CDH13: variants seen among roughly 807,000 people sequenced by gnomAD.
CDH13 encodes the protein cadherin-13.
CDH13 carries 24 observed loss-of-function variants against 63.8 expected under a neutral mutation model. The ratio of observed to expected loss-of-function variants is 0.38; its 90% CI spans 0.27 to 0.53. The LOEUF is 0.53. Among genes scored for constraint, CDH13 ranks in the 20% least tolerant of loss-of-function variants. The probability of loss-of-function intolerance (pLI) is 0.85; values close to 1 mark genes in which losing one functional copy is unlikely to be tolerated. For missense variants in CDH13, 1,049 were observed against 903.1 expected (o/e 1.16, Z -2.07); for synonymous variants, 503 against 355.3 (o/e 1.42, Z -4.67).
intron 1 of CDH13, among the ~76,000 whole-genome samples, chr16:82,662,747 A>G (rs933054290): frequency 2.0e-5 from 3 of 152,222 alleles, no homozygotes; most frequent in East Asian, 1.9e-4. Context: ...TAAATGTCAA[A>G]TAGCGCCTGA....
chr16:83,717,874 G>A (rs1196729174), intron 10 of CDH13: 1 of 152,178 alleles, frequency 6.6e-6, no homozygotes, highest in Non-Finnish European at 1.5e-5. Context: ...AGTTCCTACT[G>A]TGCTCTGCTT....
intron 7 of CDH13, among the ~76,000 whole-genome samples, chr16:83,592,998 C>T (rs1355523269): frequency 1.3e-5 from 2 of 152,136 alleles, no homozygotes; most frequent in Non-Finnish European, 2.9e-5. Context: ...TTATGGACTA[C>T]CTATTCCCAG....
chr16:83,709,402 C>T (rs1325429986), intron 10 of CDH13, among the ~76,000 whole-genome samples: 3 of 152,202 alleles, frequency 2.0e-5, no homozygotes, highest in Non-Finnish European at 4.4e-5. Flanking sequence ...CGGACTCCCT[C>T]TATAATCAGT....
At chr16:82,790,540 G>A (rs931847213) in intron 1 of CDH13, among the ~76,000 whole-genome samples, 12 of 152,156 alleles carry the variant, frequency 7.9e-5, no homozygotes, top group Non-Finnish European at 1.6e-4. Context: ...AAATTATTTG[G>A]TCAAGTGAAA....
At chr16:83,772,378 A>G (rs74034820) in intron 11 of CDH13, among the ~76,000 whole-genome samples, 6,312 of 152,128 alleles carry the variant, frequency 0.041, 476 homozygotes, top group African/African-American at 0.14. Flanking sequence ...ACTTGAAGCC[A>G]TTTGGATAAA....
At chr16:82,775,805 G>C (rs982895031) in intron 1 of CDH13, among the ~76,000 whole-genome samples, 2 of 152,174 alleles carry the variant, frequency 1.3e-5, no homozygotes, top group African/African-American at 4.8e-5. Context: ...TTGCCTGGGT[G>C]CAAGGTGAGG....
intron 1 of CDH13, among the ~76,000 whole-genome samples, chr16:82,684,604 C>A (rs565669113): frequency 2.0e-5 from 3 of 151,948 alleles, no homozygotes; most frequent in Non-Finnish European, 4.4e-5. Flanking sequence ...AGGACTGTTT[C>A]CAAAATATTT....
intron 11 of CDH13, among the ~76,000 whole-genome samples, chr16:83,779,586 T>A (rs1915376614): frequency 2.0e-5 from 3 of 152,158 alleles, no homozygotes; most frequent in Admixed American, 2.0e-4. Context: ...ACTTTTGGTG[T>A]CTGAGGCAGG....
intron 10 of CDH13, among the ~76,000 whole-genome samples, chr16:83,744,583 C>T (rs890523995): frequency 2.0e-5 from 3 of 152,220 alleles, no homozygotes; most frequent in Admixed American, 2.0e-4. Context: ...TCTGCTGAGT[C>T]GGATGTTTCT....
At chr16:82,657,371 A>C (rs532140520) in intron 1 of CDH13, among the ~76,000 whole-genome samples, 1 of 152,204 alleles carries the variant, frequency 6.6e-6, no homozygotes, top group Non-Finnish European at 1.5e-5. Context: ...TCTGATAACC[A>C]AGATGGTTAC....
intron 5 of CDH13, among the ~76,000 whole-genome samples, chr16:83,281,639 T>C (rs1441542084): frequency 6.6e-6 from 1 of 151,984 alleles, no homozygotes; most frequent in African/African-American, 2.4e-5. Flanking sequence ...GGCTGAGTGG[T>C]GGCTGACACC....
At chr16:83,080,886 T>G (rs867901679) in intron 3 of CDH13, among the ~76,000 whole-genome samples, 57 of 117,394 alleles carry the variant, frequency 4.9e-4, no homozygotes, top group Admixed American at 1.2e-3. Flanking sequence ...TTTTTTTTTT[T>G]TTTTTTTTTT....
At chr16:83,179,931 C>T (rs2038280900) in intron 4 of CDH13, among the ~76,000 whole-genome samples, 1 of 150,602 alleles carries the variant, frequency 6.6e-6, no homozygotes, top group African/African-American at 2.5e-5. Context: ...GAACAGGAAA[C>T]GATGGGAGAA....
At chr16:82,999,445 CAT>C (rs1912621555) in intron 2 of CDH13, among the ~76,000 whole-genome samples, 1 of 149,938 alleles carries the variant, frequency 6.7e-6, no homozygotes, top group African/African-American at 2.5e-5. Context: ...CCACATAACA[CAT>C]GTTTATATAT....
At chr16:83,730,062 G>C in intron 10 of CDH13, among the ~76,000 whole-genome samples, 1 of 152,216 alleles carries the variant, frequency 6.6e-6, no homozygotes, top group East Asian at 1.9e-4. Context: ...CTTCGTATGT[G>C]TTGTCATCTT....
rs527358921 is a variant in CDH13 at position 83,645,160 on chromosome 16, C to T, written c.1102-25630C>T. ...TGGAACCAACCTAAGTGTACATCAA[C>T]GATTGACTGGTTAAAGAAAAGGTGG... On this transcript the variant is annotated intron_variant, in intron 8 of 13. Coordinates refer to ENST00000567109, the MANE Select transcript of CDH13 (RefSeq NM_001257.5). 6.0e-4 allele frequency among the ~76,000 whole-genome samples: 91 copies of T among 152,282 alleles called. 1 individual carries two copies. Among genetic ancestry groups the T allele is most frequent in the African/African-American group, 2.0e-3 (83 of 41,556 alleles).
At chr16:83,457,909 T>A (rs984826400) in intron 6 of CDH13, among the ~76,000 whole-genome samples, 4 of 152,190 alleles carry the variant, frequency 2.6e-5, no homozygotes, top group African/African-American at 7.2e-5. Flanking sequence ...GGAATTTTGC[T>A]TTTCCAGCAG....
At chr16:83,016,834 C>A (rs1914850665) in intron 2 of CDH13, among the ~76,000 whole-genome samples, 1 of 152,180 alleles carries the variant, frequency 6.6e-6, no homozygotes, top group Non-Finnish European at 1.5e-5. Context: ...ACAAAAGATG[C>A]TCATCTACAT....
Position 83,571,627 on chromosome 16 carries a change from G to T in CDH13, c.961-30827G>T, listed in dbSNP as rs190594257. 1.8e-4 allele frequency among the ~76,000 whole-genome samples: 28 copies of T among 152,108 alleles called. No individual in the cohort carries two copies. In the East Asian group the frequency reaches 3.1e-3, roughly 17 times the overall value. On this transcript the variant is annotated intron_variant, in intron 7 of 13. Coordinates refer to ENST00000567109, the MANE Select transcript of CDH13 (RefSeq NM_001257.5). ...TGGGTCTGCCACTCCTTAATGTAAC[G>T]CTGGCATGTGCCTTGAGAATCCAGC...
Sources: allele counts gnomAD v4.1 joint callset (sites outside exome capture counted in the v4.1 genomes callset), GRCh38; gene constraint gnomAD v4.1.1; transcripts MANE v1.5; gene names NCBI Gene and HGNC (gene_info 2026-07-23, HGNC 2026-07-21).